Variants in LIMS1 observed in about 807,000 individuals in gnomAD.
LIMS1 encodes LIM zinc finger domain containing 1.
LIMS1 carries 18 observed loss-of-function variants against 44.1 expected under a neutral mutation model. The observed-to-expected ratio is 0.41, with a 90% CI of 0.28 to 0.61. The LOEUF (loss-of-function observed/expected upper bound fraction) is 0.61, where lower values mean the gene tolerates loss of function less well. LIMS1 is among the 20% of genes least tolerant of loss of function. LIMS1 has a pLI of 0.32. For missense variants in LIMS1, 201 were observed against 422.0 expected, an observed-to-expected ratio of 0.48 and a Z score of 4.59; for synonymous variants, 93 against 149.1, an observed-to-expected ratio of 0.62 and a Z score of 2.74.
At chr2:108,673,147 T>C in intron 5 of LIMS1, 118 bp downstream of exon 5, 1 of 1,444,334 alleles carries the variant, frequency 6.9e-7, no homozygotes, top group Non-Finnish European at 9.5e-7. Flanking sequence ...GTCTAGAAAA[T>C]TTTAAACCTA....
At chr2:108,562,825 C>T (rs1011188326) in intron 1 of LIMS1, among the ~76,000 whole-genome samples, 2 of 152,180 alleles carry the variant, frequency 1.3e-5, no homozygotes, top group African/African-American at 4.8e-5. Context: ...GAGAAGATGC[C>T]ATCTAGGACT....
chr2:108,540,382 T>C (rs1340466446), intron 1 of LIMS1, among the ~76,000 whole-genome samples: 1 of 152,022 alleles, frequency 6.6e-6, no homozygotes, highest in Non-Finnish European at 1.5e-5. Context: ...GTATTTTTAG[T>C]AAAGACGGAG....
rs185784085 is a variant in LIMS1, at chr2:108,566,677, A to C, written c.32+32083A>C. On this transcript the variant is annotated intron_variant, in intron 1 of 9. Transcript: ENST00000544547. ...AGTGGCATGATCTCAGCTTACTGCAACCTCTGCCTCCTGGGTTCAAGCGAT... is the reference window on the plus strand; with the variant it reads ...AGTGGCATGATCTCAGCTTACTGCACCCTCTGCCTCCTGGGTTCAAGCGAT... Among the ~76,000 whole-genome samples, 204 of 152,166 alleles carry C rather than the reference A, an allele frequency of 1.3e-3. No individual in the cohort carries two copies. The Middle Eastern group carries it at 0.027, about 20-fold the overall frequency.
At chr2:108,536,920 T>G (rs2104561640) in intron 1 of LIMS1, among the ~76,000 whole-genome samples, 1 of 152,334 alleles carries the variant, frequency 6.6e-6, no homozygotes, top group East Asian at 1.9e-4. Flanking sequence ...CTTTTCCTTT[T>G]CTGGGATAAA....
chr2:108,640,696 G>A lies in LIMS1; in HGVS notation c.33-18909G>A, dbSNP rs1866188. ...AATTGTACATATTTATGGGGTGCAT[G>A]TGTTATTTTGCTGCATGCATGTAAT... is the stretch of plus-strand genomic sequence containing the variant. On this transcript the variant is annotated intron_variant, in intron 1 of 9. Coordinates refer to ENST00000544547, the Ensembl canonical transcript of LIMS1. Among the ~76,000 whole-genome samples, 10,458 of 152,316 alleles carry A rather than the reference G, an allele frequency of 0.069. 2,716 individuals are homozygous for A. The East Asian group carries it at 0.85, about 12-fold the overall frequency.
intron 1 of LIMS1, among the ~76,000 whole-genome samples, chr2:108,619,398 C>T (rs531011500): frequency 1.3e-5 from 2 of 148,730 alleles, no homozygotes; most frequent in South Asian, 2.1e-4. Flanking sequence ...TTTTAAAAAA[C>T]GAAGGCTGGG....
At chr2:108,659,884 T>G (rs1226588679) in intron 2 of LIMS1, 120 bp downstream of exon 2, 20 of 1,497,800 alleles carry the variant, frequency 1.3e-5, no homozygotes, top group Non-Finnish European at 1.8e-5. Flanking sequence ...AAGTGCCACA[T>G]GCATGCCAGG....
chr2:108,660,765 A>G (rs1329752593), intron 2 of LIMS1: 1 of 183,846 alleles, frequency 5.4e-6, no homozygotes, highest in Admixed American at 5.3e-5. Flanking sequence ...ATTTTGGGGG[A>G]TAATCTAGAA....
chr2:108,533,882 C>T (rs114609913), upstream of LIMS1: 443 of 152,756 alleles, frequency 2.9e-3, 1 homozygote, highest in South Asian at 0.014. Flanking sequence ...CAGCGGTGAC[C>T]GATCCAGACC....
At chr2:108,535,528 TGTAACAC>T (rs1684103669) in intron 1 of LIMS1, among the ~76,000 whole-genome samples, 1 of 152,244 alleles carries the variant, frequency 6.6e-6, no homozygotes. Flanking sequence ...TGTTACCCAT[TGTAACAC>T]CATATATTTG....
In LIMS1 at chr2:108,612,862, CCA is replaced by C. The variant is rs1356498223; in HGVS notation, c.33-46742_33-46741del. 4.6e-5 allele frequency among the ~76,000 whole-genome samples: 7 copies of C among 152,202 alleles called. No homozygotes were observed. The East Asian group carries it at 1.3e-3, about 29-fold the overall frequency. On this transcript the variant is annotated intron_variant, in intron 1 of 9. Coordinates refer to ENST00000544547, the Ensembl canonical transcript of LIMS1. ...TGCGGCTCCTGCGCCTGTCATGCAC[CCA>C]GTTTCCCAGAAGCTTCCGGGGTTAG...
At chr2:108,648,071 G>A (rs1007097859) in intron 1 of LIMS1, among the ~76,000 whole-genome samples, 11 of 152,152 alleles carry the variant, frequency 7.2e-5, no homozygotes, top group African/African-American at 2.2e-4. Context: ...AAACCCCATC[G>A]TGTCAGCCCA....
intron 1 of LIMS1, among the ~76,000 whole-genome samples, chr2:108,633,011 G>T (rs1689015718): frequency 6.6e-6 from 1 of 152,108 alleles, no homozygotes. Context: ...TGACTCCCTT[G>T]TCCCCTTCCC....
intron 9 of LIMS1, chr2:108,681,649 G>T: frequency 1.1e-6 from 1 of 935,464 alleles, no homozygotes; most frequent in Non-Finnish European, 1.3e-6. Flanking sequence ...GGCGAGGCAT[G>T]GTGGCTCACG....
intron 1 of LIMS1, among the ~76,000 whole-genome samples, chr2:108,642,211 G>A (rs1212885549): frequency 6.6e-6 from 1 of 151,952 alleles, no homozygotes; most frequent in African/African-American, 2.4e-5. Context: ...CTATATTGGA[G>A]TCCTGTATTT....
intron 1 of LIMS1, among the ~76,000 whole-genome samples, chr2:108,640,362 C>T (rs1370819004): frequency 6.6e-6 from 1 of 152,192 alleles, no homozygotes; most frequent in Non-Finnish European, 1.5e-5. Context: ...AACAAGCCAC[C>T]ACATAGGTCG....
intron 1 of LIMS1, among the ~76,000 whole-genome samples, chr2:108,629,883 G>A (rs182899830): frequency 1.3e-5 from 2 of 152,214 alleles, no homozygotes; most frequent in East Asian, 3.9e-4. Flanking sequence ...TCTTGGTTTA[G>A]GAGATCAAGA....
intron 1 of LIMS1, among the ~76,000 whole-genome samples, chr2:108,570,615 T>C (rs940811290): frequency 6.6e-6 from 1 of 152,094 alleles, no homozygotes; most frequent in African/African-American, 2.4e-5. Context: ...AGCTGAACTC[T>C]AAGGGGTTGT....
rs1490860442 is a variant in LIMS1 at position 108,672,862 on chromosome 2, A to G, written c.381-18A>G. 1.6e-6 allele frequency: 1 copy of G among 635,414 alleles called. No homozygotes were observed. The highest frequency in any genetic ancestry group is 2.5e-6 in the Non-Finnish European group (1 of 402,366). 39.4% of individuals were successfully genotyped at this position (635,414 alleles called of 1,614,324 possible). A position where few individuals can be genotyped will look rare whatever the true frequency, so the allele number is the denominator to read the frequency against. The stretch of plus-strand genomic sequence containing the variant: ...GAAAGAACCTAAAATTTTAAATTTA[A>G]GTTTTGACTCTGTTTAGACACCTGT... On this transcript the variant is annotated intron_variant, in intron 4 of 9. Coordinates refer to ENST00000544547, the Ensembl canonical transcript of LIMS1.
Sources: gnomAD v4.1 joint callset for allele counts (sites outside exome capture counted in the v4.1 genomes callset) on GRCh38, gnomAD v4.1.1 for gene constraint, MANE v1.5 for transcripts, NCBI Gene and HGNC (gene_info 2026-07-23, HGNC 2026-07-21) for gene names.